INTS4: variants seen among roughly 807,000 people sequenced by gnomAD.
INTS4 encodes the protein integrator complex subunit 4, also known as MSTP093.
INTS4 carries 70 observed loss-of-function variants against 119.5 expected under a neutral mutation model. The ratio of observed to expected loss-of-function variants is 0.59; its 90% CI spans 0.48 to 0.71. The LOEUF (loss-of-function observed/expected upper bound fraction) is 0.71, where lower values mean the gene tolerates loss of function less well. Ranked by LOEUF, INTS4 falls within the 30% of genes least tolerant of loss-of-function variation. The pLI is 0.00. For synonymous variants in INTS4, 316 were observed against 419.6 expected, an observed-to-expected ratio of 0.75 and a Z score of 3.02; for missense variants, 867 against 1,173.2, an observed-to-expected ratio of 0.74 and a Z score of 3.81.
At chr11:77,887,215 T>C (rs1192024999) in intron 21 of INTS4, among the ~76,000 whole-genome samples, 2 of 152,184 alleles carry the variant, frequency 1.3e-5, no homozygotes, top group African/African-American at 4.8e-5. Flanking sequence ...ATCAGAAAGC[T>C]TATCCACCAT....
At chr11:77,926,774 C>T (rs1435845139) in intron 11 of INTS4, among the ~76,000 whole-genome samples, 8 of 148,558 alleles carry the variant, frequency 5.4e-5, no homozygotes, top group African/African-American at 1.5e-4. Flanking sequence ...ATCGTACCAC[C>T]GCACTCCACC....
At chr11:77,964,908 G>T (rs553643677) in intron 4 of INTS4, among the ~76,000 whole-genome samples, 14 of 152,072 alleles carry the variant, frequency 9.2e-5, no homozygotes, top group Admixed American at 2.0e-4. Flanking sequence ...ATCTATTTTT[G>T]ATTTTAATGT....
chr11:77,918,898 C>T lies in INTS4; in HGVS notation c.1845G>A (p.Gln615=). Residue 615 remains glutamine (Q), a synonymous_variant, in exon 15 of 23, where the codon CAG becomes CAA. Transcript: ENST00000534064. ...PQEDPSQQFL[Q]QSLERVYSLQ... ...GACTATACACTCTTTCAAGGCTCTGCTGCAGGAACTGCTGGGAAGGATCCT... is the reference window on the plus strand; with the variant it reads ...GACTATACACTCTTTCAAGGCTCTGTTGCAGGAACTGCTGGGAAGGATCCT... The T allele has an allele frequency of 2.5e-6, 4 of 1,613,928 alleles. No individual in the cohort carries two copies. Among genetic ancestry groups the T allele is most frequent in the Non-Finnish European group, 3.4e-6 (4 of 1,179,870 alleles).
At chr11:77,944,005 A>G (rs532073604) in intron 8 of INTS4, among the ~76,000 whole-genome samples, 1 of 152,326 alleles carries the variant, frequency 6.6e-6, no homozygotes, top group African/African-American at 2.4e-5. Flanking sequence ...TTTAAGGTCA[A>G]TGACTTCTTA....
intron 22 of INTS4, 147 bp downstream of exon 22, chr11:77,883,685 A>G (rs1163872093): frequency 6.3e-6 from 5 of 794,090 alleles, no homozygotes; most frequent in Non-Finnish European, 9.5e-6. Context: ...TACCCACTTA[A>G]TGAGTGCTTA....
At chr11:77,965,046 A>T (rs911135051) in intron 4 of INTS4, among the ~76,000 whole-genome samples, 3 of 152,182 alleles carry the variant, frequency 2.0e-5, no homozygotes, top group Non-Finnish European at 4.4e-5. Flanking sequence ...TTGTGGTGAG[A>T]CATTTGAAAT....
chr11:77,941,602 T>C (rs1953931081), intron 8 of INTS4, among the ~76,000 whole-genome samples: 1 of 152,166 alleles, frequency 6.6e-6, no homozygotes, highest in African/African-American at 2.4e-5. Context: ...TAGCTGGGAT[T>C]ACAGGTGCCC....
At chr11:77,920,869 A>AAAAT (rs1218704325) in intron 14 of INTS4, among the ~76,000 whole-genome samples, 7 of 150,552 alleles carry the variant, frequency 4.6e-5, no homozygotes, top group Non-Finnish European at 8.9e-5. Context: ...AATAATAATA[A>AAAAT]AAATAAATAA....
rs764036133 is a variant in INTS4 at position 77,878,961 on chromosome 11, A to G, written c.2880T>C (p.Pro960=). ...GACTGTTTTTGCCTTAGCGCCGTGC[A>G]GGTTTGGGCATTATATAAACTTTTA... The part of the protein sequence containing the change: ...KPVKVYIMPK[P]ARR Residue 960 remains proline, a synonymous_variant, in exon 23 of 23, where the codon CCT becomes CCC. Transcript: ENST00000534064. 3.7e-6 allele frequency: 6 copies of G among 1,613,960 alleles called. No homozygotes were observed. Among genetic ancestry groups the G allele is most frequent in the Non-Finnish European group, 5.1e-6 (6 of 1,179,948 alleles).
intron 8 of INTS4, among the ~76,000 whole-genome samples, chr11:77,950,830 T>C (rs1207459390): frequency 1.3e-5 from 2 of 151,772 alleles, no homozygotes; most frequent in Non-Finnish European, 2.9e-5. Context: ...CATCAACTGG[T>C]CATTTAACAT....
chr11:77,886,851 G>A (rs1282216972), intron 21 of INTS4, among the ~76,000 whole-genome samples: 1 of 152,104 alleles, frequency 6.6e-6, no homozygotes, highest in Non-Finnish European at 1.5e-5. Context: ...AATGACTACT[G>A]GGTACATAAC....
chr11:77,911,307 T>G (rs973495166), intron 15 of INTS4, among the ~76,000 whole-genome samples: 1 of 152,228 alleles, frequency 6.6e-6, no homozygotes, highest in African/African-American at 2.4e-5. Flanking sequence ...GACCATAGAC[T>G]AGCTAAGCCC....
chr11:77,963,873 T>C (rs142423930), intron 4 of INTS4, among the ~76,000 whole-genome samples: 24 of 152,254 alleles, frequency 1.6e-4, no homozygotes, highest in Non-Finnish European at 2.9e-4. Context: ...TTTGTAGAGA[T>C]GGGATGTTGC....
intron 15 of INTS4, 42 bp from the exon 16 acceptor site, chr11:77,907,852 T>C (rs557781576): frequency 4.9e-6 from 6 of 1,221,444 alleles, no homozygotes; most frequent in East Asian, 4.7e-5. Context: ...AGGATAAGGA[T>C]AATGCCACCA....
chr11:77,906,987 A>G (rs1323786563), intron 16 of INTS4, among the ~76,000 whole-genome samples: 1 of 152,226 alleles, frequency 6.6e-6, no homozygotes, highest in African/African-American at 2.4e-5. Flanking sequence ...AATTCTGTGT[A>G]TAGCTGACTA....
intron 18 of INTS4, chr11:77,900,673 A>C (rs1952752460): frequency 1.0e-5 from 7 of 688,790 alleles, no homozygotes; most frequent in Non-Finnish European, 1.8e-5. Context: ...ATGCACCTTT[A>C]TTTTATGAAA....
At chr11:77,949,162 C>A (rs187365750) in intron 8 of INTS4, among the ~76,000 whole-genome samples, 4 of 151,968 alleles carry the variant, frequency 2.6e-5, no homozygotes, top group East Asian at 1.9e-4. Flanking sequence ...TTTGCCACAT[C>A]GATAAACCTG....
chr11:77,952,882 C>T (rs1416582982), intron 8 of INTS4, among the ~76,000 whole-genome samples: 2 of 152,164 alleles, frequency 1.3e-5, no homozygotes, highest in African/African-American at 4.8e-5. Context: ...TCTAAAACAT[C>T]TTTCTCCTCC....
chr11:77,987,939 T>C (rs369382703), intron 2 of INTS4, among the ~76,000 whole-genome samples: 81 of 152,316 alleles, frequency 5.3e-4, no homozygotes, highest in African/African-American at 1.9e-3. Context: ...GTGAATCGCT[T>C]GAGCCCAGGA....
Sources: allele counts gnomAD v4.1 joint callset (sites outside exome capture counted in the v4.1 genomes callset), GRCh38; gene constraint gnomAD v4.1.1; transcripts MANE v1.5; gene names NCBI Gene and HGNC (gene_info 2026-07-23, HGNC 2026-07-21).